The following GPHN variants were observed in gnomAD, a reference collection of about 807,000 sequenced individuals.
GPHN encodes the protein gephyrin.
In GPHN, 17 loss-of-function variants were observed where a neutral mutation model predicts 95.5. That is an observed-to-expected ratio of 0.18 (90% CI 0.12 to 0.27). GPHN has a LOEUF of 0.27. Among genes scored for constraint, GPHN ranks in the 10% least tolerant of loss-of-function variants. The probability of loss-of-function intolerance (pLI) is 1.00; values close to 1 mark genes in which losing one functional copy is unlikely to be tolerated. For missense variants in GPHN, 660 were observed against 978.1 expected, an observed-to-expected ratio of 0.67 and a Z score of 4.34; for synonymous variants, 320 against 322.5, an observed-to-expected ratio of 0.99 and a Z score of 0.08.
chr14:67,263,753 T>A, the GPHN span, among the ~76,000 whole-genome samples: 1 of 152,200 alleles, frequency 6.6e-6, no homozygotes, highest in Admixed American at 6.5e-5. Context: ...AGTGAGAAGA[T>A]ATATAGGAAA....
At chr14:66,822,841 C>G (rs1268101714) in intron 3 of GPHN, among the ~76,000 whole-genome samples, 1 of 152,080 alleles carries the variant, frequency 6.6e-6, no homozygotes, top group Non-Finnish European at 1.5e-5. Context: ...GGATTGTGAT[C>G]AGAGGTGAGA....
At chr14:66,858,771 A>G (rs1215156089) in intron 4 of GPHN, among the ~76,000 whole-genome samples, 1 of 152,060 alleles carries the variant, frequency 6.6e-6, no homozygotes, top group Non-Finnish European at 1.5e-5. Context: ...AGGGGAGTCC[A>G]CTGCCCTGAA....
At chr14:66,755,483 T>C (rs906706631) in intron 2 of GPHN, among the ~76,000 whole-genome samples, 1 of 152,122 alleles carries the variant, frequency 6.6e-6, no homozygotes, top group South Asian at 2.1e-4. Context: ...ACTCCTTTTA[T>C]TGGCAAAATT....
chr14:67,128,445 A>T (rs1244063939), intron 17 of GPHN, among the ~76,000 whole-genome samples: 1 of 152,146 alleles, frequency 6.6e-6, no homozygotes, highest in East Asian at 1.9e-4. Context: ...TTTTCCCAAA[A>T]TACATTTTAT....
intron 8 of GPHN, among the ~76,000 whole-genome samples, chr14:66,938,491 A>G (rs2067240398): frequency 1.3e-5 from 2 of 152,122 alleles, no homozygotes; most frequent in South Asian, 4.1e-4. Context: ...ATAATTAATT[A>G]TTATTCAAAT....
At chr14:66,946,976 G>T (rs1268929335) in intron 8 of GPHN, among the ~76,000 whole-genome samples, 1 of 152,080 alleles carries the variant, frequency 6.6e-6, no homozygotes, top group African/African-American at 2.4e-5. Flanking sequence ...TCAACCCATA[G>T]CCAGAGTCGA....
intron 2 of GPHN, among the ~76,000 whole-genome samples, chr14:66,743,241 C>T (rs2072951202): frequency 6.6e-6 from 1 of 151,846 alleles, no homozygotes; most frequent in Non-Finnish European, 1.5e-5. Context: ...ATCTTCCCCC[C>T]CACTTTAAAG....
At chr14:67,093,025 G>C (rs1272469584) in intron 12 of GPHN, among the ~76,000 whole-genome samples, 1 of 151,940 alleles carries the variant, frequency 6.6e-6, no homozygotes, top group African/African-American at 2.4e-5. Flanking sequence ...TCTTGAAAAA[G>C]TTCAATTTGA....
the GPHN span, among the ~76,000 whole-genome samples, chr14:67,423,434 G>A: frequency 6.6e-6 from 1 of 152,082 alleles, no homozygotes; most frequent in Non-Finnish European, 1.5e-5. Context: ...GCACAGTCTA[G>A]GCACCCACAG....
At chr14:67,290,439 G>A in the GPHN span, among the ~76,000 whole-genome samples, 6 of 152,332 alleles carry the variant, frequency 3.9e-5, no homozygotes, top group African/African-American at 7.2e-5. Flanking sequence ...GTCTCACTCA[G>A]TTGCCCAGGC....
the GPHN span, chr14:67,645,829 G>A: frequency 6.2e-7 from 1 of 1,611,570 alleles, no homozygotes. Flanking sequence ...GAAAAGAAAG[G>A]TGAATGGCTT....
In GPHN at chr14:67,180,817, C is replaced by T; in HGVS notation, c.2190C>T (p.Ser730=). The T allele has an allele frequency of 6.2e-7, 1 of 1,613,618 alleles. No homozygotes were observed. The change falls in exon 23 of 23, where the codon AGC becomes AGT. Residue 730 remains serine (S), a synonymous_variant. Coordinates refer to ENST00000478722, the MANE Select transcript of GPHN (RefSeq NM_020806.5). ...PWAQSTGNQM[S]SRLMSMRSAN... ...ATTTCTTTCTAGGTAATCAAATGAG[C>T]AGCCGTCTGATGAGCATGCGCAGTG...
chr14:67,150,103 T>TA (rs1470917845), intron 18 of GPHN, among the ~76,000 whole-genome samples: 3 of 152,156 alleles, frequency 2.0e-5, no homozygotes, highest in African/African-American at 7.2e-5. Flanking sequence ...ATAAAAATCT[T>TA]AAATTATTTT....
the GPHN span, among the ~76,000 whole-genome samples, chr14:67,509,928 T>G: frequency 6.6e-6 from 1 of 152,186 alleles, no homozygotes; most frequent in Non-Finnish European, 1.5e-5. Context: ...GAGGATCACT[T>G]GAACCCAGGA....
At chr14:67,182,004 G>C (rs2083332200), downstream of GPHN, among the ~76,000 whole-genome samples, 1 of 152,170 alleles carries the variant, frequency 6.6e-6, no homozygotes. Flanking sequence ...AAATACAGAT[G>C]AGAAGGAAGG....
At chr14:67,696,172 G>A in the GPHN span, among the ~76,000 whole-genome samples, 2 of 152,150 alleles carry the variant, frequency 1.3e-5, no homozygotes, top group Admixed American at 6.5e-5. Context: ...TACACTATAG[G>A]AATAGTACAC....
chr14:67,313,638 G>A, the GPHN span, among the ~76,000 whole-genome samples: 1 of 152,130 alleles, frequency 6.6e-6, no homozygotes, highest in African/African-American at 2.4e-5. Flanking sequence ...TAGGGATATA[G>A]AGTAAAGGGA....
At chr14:67,208,216 C>T in the GPHN span, 4 of 1,611,998 alleles carry the variant, frequency 2.5e-6, 1 homozygote, top group South Asian at 2.2e-5. Flanking sequence ...AATTGAAAAA[C>T]ATTCTGAAGC....
chr14:67,144,251 ATATATATATATAT>A (rs1208676132), intron 18 of GPHN, among the ~76,000 whole-genome samples: 1 of 41,266 alleles, frequency 2.4e-5, no homozygotes, highest in African/African-American at 1.2e-4. Context: ...AAAAAAAAAA[ATATATATATATAT>A]ATATATATAT....
Sources: allele counts gnomAD v4.1 joint callset (sites outside exome capture counted in the v4.1 genomes callset), GRCh38; gene constraint gnomAD v4.1.1; transcripts MANE v1.5; gene names NCBI Gene and HGNC (gene_info 2026-07-23, HGNC 2026-07-21).